MPPED2: variants seen among roughly 807,000 people sequenced by gnomAD.
MPPED2 encodes metallophosphoesterase MPPED2.
MPPED2 carries 5 observed loss-of-function variants against 33.0 expected under a neutral mutation model. The observed-to-expected ratio is 0.15, with a 90% CI of 0.08 to 0.32. The LOEUF is 0.32. Among genes scored for constraint, MPPED2 ranks in the 10% least tolerant of loss-of-function variants. The pLI is 1.00. For missense variants in MPPED2, 275 were observed against 372.1 expected, an observed-to-expected ratio of 0.74 and a Z score of 2.15; for synonymous variants, 136 against 141.9, an observed-to-expected ratio of 0.96 and a Z score of 0.29.
At chr11:30,455,527 T>C (rs1950244290) in intron 4 of MPPED2, among the ~76,000 whole-genome samples, 1 of 152,226 alleles carries the variant, frequency 6.6e-6, no homozygotes, top group Non-Finnish European at 1.5e-5. Flanking sequence ...GCATAAAAGG[T>C]GTTTTCCATT....
At chr11:30,574,381 T>C (rs1051351617) in intron 2 of MPPED2, among the ~76,000 whole-genome samples, 4 of 152,200 alleles carry the variant, frequency 2.6e-5, no homozygotes, top group African/African-American at 9.6e-5. Context: ...GGCTATACCA[T>C]ATAGCCTAGG....
intron 4 of MPPED2, among the ~76,000 whole-genome samples, chr11:30,488,606 C>T (rs191999305): frequency 3.6e-4 from 55 of 152,276 alleles, no homozygotes; most frequent in Admixed American, 2.9e-3. Flanking sequence ...GCAAAGTGAT[C>T]GGTTTTGCTT....
intron 2 of MPPED2, among the ~76,000 whole-genome samples, chr11:30,543,491 T>C (rs2134554014): frequency 6.6e-6 from 1 of 152,322 alleles, no homozygotes. Flanking sequence ...TATTTACCGA[T>C]GAAAGAGCAG....
At chr11:30,578,678 T>A (rs1258344524) in intron 2 of MPPED2, among the ~76,000 whole-genome samples, 2 of 152,168 alleles carry the variant, frequency 1.3e-5, no homozygotes, top group Non-Finnish European at 2.9e-5. Context: ...GGAAACAGCA[T>A]CTACAAAGTT....
chr11:30,498,356 A>G (rs1238250609), intron 3 of MPPED2, among the ~76,000 whole-genome samples: 2 of 152,096 alleles, frequency 1.3e-5, no homozygotes, highest in African/African-American at 2.4e-5. Flanking sequence ...AGGTCAAGAC[A>G]GGCAGATCAC....
chr11:30,402,709 CT>C (rs1565034719), intron 6 of MPPED2, among the ~76,000 whole-genome samples: 1 of 152,174 alleles, frequency 6.6e-6, no homozygotes, highest in Non-Finnish European at 1.5e-5. Context: ...AAGTAAACTT[CT>C]TTGCATAATC....
At chr11:30,390,331 A>C (rs906597850) in intron 6 of MPPED2, among the ~76,000 whole-genome samples, 1 of 152,204 alleles carries the variant, frequency 6.6e-6, no homozygotes, top group Non-Finnish European at 1.5e-5. Context: ...TTGAAATGTC[A>C]AATGTGTTTT....
At chr11:30,407,089 C>CTT (rs1305108903), downstream of MPPED2, among the ~76,000 whole-genome samples, 2 of 152,218 alleles carry the variant, frequency 1.3e-5, no homozygotes, top group Non-Finnish European at 2.9e-5. Flanking sequence ...TTTCTCCCTA[C>CTT]TTAAGACCTA....
chr11:30,496,159 C>T (rs1952240775), intron 3 of MPPED2, among the ~76,000 whole-genome samples: 1 of 152,044 alleles, frequency 6.6e-6, no homozygotes, highest in Non-Finnish European at 1.5e-5. Flanking sequence ...AAAGTTTAAC[C>T]CTCTTTTAAT....
chr11:30,469,873 T>A (rs572585991), intron 4 of MPPED2, among the ~76,000 whole-genome samples: 4 of 152,354 alleles, frequency 2.6e-5, no homozygotes, highest in Admixed American at 2.6e-4. Context: ...GGTCTGATTC[T>A]TAAGAATTCT....
At chr11:30,407,574 C>CAGA (rs1167599203), downstream of MPPED2, among the ~76,000 whole-genome samples, 1 of 152,152 alleles carries the variant, frequency 6.6e-6, no homozygotes, top group Non-Finnish European at 1.5e-5. Flanking sequence ...AGTCAACAGA[C>CAGA]AGAACCCTGA....
At chr11:30,572,216 A>C (rs2134827508) in intron 2 of MPPED2, among the ~76,000 whole-genome samples, 1 of 152,258 alleles carries the variant, frequency 6.6e-6, no homozygotes, top group African/African-American at 2.4e-5. Context: ...ATAAACAAAA[A>C]CCACTGTCCA....
chr11:30,537,657 A>G (rs1178293987), intron 2 of MPPED2, among the ~76,000 whole-genome samples: 2 of 152,178 alleles, frequency 1.3e-5, no homozygotes, highest in Admixed American at 1.3e-4. Flanking sequence ...AGGAGCAAGA[A>G]GGAAGGGAGG....
intron 4 of MPPED2, among the ~76,000 whole-genome samples, chr11:30,482,252 A>G (rs1951524124): frequency 1.3e-5 from 2 of 152,216 alleles, no homozygotes; most frequent in Admixed American, 6.5e-5. Flanking sequence ...CTATATTAGT[A>G]TATGTTTTTA....
intron 4 of MPPED2, among the ~76,000 whole-genome samples, chr11:30,448,560 T>C (rs1286668211): frequency 6.6e-6 from 1 of 152,228 alleles, no homozygotes; most frequent in East Asian, 1.9e-4. Flanking sequence ...TATAAGTCTA[T>C]TTTGACCTAC....
intron 5 of MPPED2, among the ~76,000 whole-genome samples, chr11:30,416,008 A>G (rs755070926): frequency 6.6e-6 from 1 of 152,374 alleles, no homozygotes; most frequent in Non-Finnish European, 1.5e-5. Context: ...CTCACTGGGT[A>G]ACTCATGCTG....
chr11:30,555,894 AT>A (rs1955943334), intron 2 of MPPED2, among the ~76,000 whole-genome samples: 1 of 152,092 alleles, frequency 6.6e-6, no homozygotes, highest in Non-Finnish European at 1.5e-5. Context: ...GTCTCCACAT[AT>A]TTTTTTAATA....
rs746643719 is a variant in MPPED2 at position 30,580,415 on chromosome 11, G to T, written c.-42C>A. ...CATGAGCAATTCACAACTTTACAGAGCAAAAGATGGAAGCAGGCATGGTGC... is the reference window on the plus strand; with the variant it reads ...CATGAGCAATTCACAACTTTACAGATCAAAAGATGGAAGCAGGCATGGTGC... On this transcript the variant is annotated 5_prime_UTR_variant, in exon 2 of 7. The change creates a premature stop within an existing upstream ORF in the 5' untranslated region. Transcript: ENST00000358117. The T allele has an allele frequency of 3.1e-6, 5 of 1,607,942 alleles. No individual in the cohort carries two copies. The highest frequency in any genetic ancestry group is 2.2e-5 in the South Asian group (2 of 90,292).
intron 2 of MPPED2, among the ~76,000 whole-genome samples, chr11:30,558,314 G>T (rs1478913131): frequency 6.6e-6 from 1 of 152,092 alleles, no homozygotes; most frequent in Admixed American, 6.6e-5. Flanking sequence ...TTCCTCAAAA[G>T]CTATAGTTCA....
Sources: gnomAD v4.1 joint callset for allele counts (sites outside exome capture counted in the v4.1 genomes callset) on GRCh38, gnomAD v4.1.1 for gene constraint, MANE v1.5 for transcripts, NCBI Gene and HGNC (gene_info 2026-07-23, HGNC 2026-07-21) for gene names.